The following TNFRSF19 variants were observed in gnomAD, a reference collection of about 807,000 sequenced individuals.
The protein encoded by TNFRSF19 is TNF receptor superfamily member 19, also known as tumor necrosis factor receptor superfamily member 19.
A neutral mutation model predicts 46.4 loss-of-function variants in TNFRSF19; 27 were observed. The ratio of observed to expected loss-of-function variants is 0.58; its 90% CI spans 0.43 to 0.80. The LOEUF (loss-of-function observed/expected upper bound fraction) is 0.80, where lower values mean the gene tolerates loss of function less well. Ranked by LOEUF, TNFRSF19 falls within the 30% of genes least tolerant of loss-of-function variation. The pLI is 0.00. For synonymous variants in TNFRSF19, 204 were observed against 205.0 expected, an observed-to-expected ratio of 1.00 and a Z score of 0.04; for missense variants, 511 against 530.8, an observed-to-expected ratio of 0.96 and a Z score of 0.37.
chr13:23,603,890 A>G (rs1165935605), intron 3 of TNFRSF19, among the ~76,000 whole-genome samples: 3 of 152,094 alleles, frequency 2.0e-5, no homozygotes, highest in African/African-American at 7.2e-5. Context: ...TAGAGTTGAT[A>G]TCATACTTAA....
chr13:23,638,820 G>A (rs1023945972), intron 5 of TNFRSF19, among the ~76,000 whole-genome samples: 1 of 152,102 alleles, frequency 6.6e-6, no homozygotes, highest in Non-Finnish European at 1.5e-5. Flanking sequence ...CACGCTGCGG[G>A]TTCCTGTCCC....
intron 5 of TNFRSF19, among the ~76,000 whole-genome samples, chr13:23,650,546 C>G (rs1883570008): frequency 1.3e-5 from 2 of 152,094 alleles, no homozygotes; most frequent in Non-Finnish European, 2.9e-5. Flanking sequence ...ATAGGCAAAT[C>G]CATAGAGACA....
intron 2 of TNFRSF19, 46 bp from the exon 3 acceptor site, chr13:23,593,299 G>A (rs747982417): frequency 3.3e-6 from 4 of 1,215,072 alleles, no homozygotes; most frequent in Admixed American, 5.1e-5. Context: ...AAAAAAAAAT[G>A]TTTAACATAC....
At chr13:23,669,383 G>A in intron 9 of TNFRSF19, 1 of 1,181,488 alleles carries the variant, frequency 8.5e-7, no homozygotes, top group Non-Finnish European at 1.0e-6. Flanking sequence ...GTTGAGAGAG[G>A]TGAGTCGGGT....
At position 23,573,684 on chromosome 13, in the gene TNFRSF19, T is replaced by C. The variant is rs560448172; in HGVS notation, c.-35+2836T>C. Among the ~76,000 whole-genome samples, 8 of 152,342 alleles carry C rather than the reference T, an allele frequency of 5.3e-5. No individual in the cohort carries two copies. In the East Asian group the frequency reaches 1.5e-3, roughly 29 times the overall value. On this transcript the variant is annotated intron_variant, in intron 1 of 9. Transcript: ENST00000248484. ...AACTCAATGTGCATTTCAAACATGA[T>C]ATGATATGTGTTTCATATCATGTTT...
intron 1 of TNFRSF19, among the ~76,000 whole-genome samples, chr13:23,575,127 C>T (rs1360894671): frequency 6.6e-6 from 1 of 152,218 alleles, no homozygotes; most frequent in Non-Finnish European, 1.5e-5. Context: ...GGCCTCAAGC[C>T]AGCCCTAGGT....
intron 3 of TNFRSF19, 115 bp from the exon 4 acceptor site, chr13:23,615,752 T>C (rs1881233377): frequency 9.1e-7 from 1 of 1,102,604 alleles, no homozygotes; most frequent in African/African-American, 1.6e-5. Flanking sequence ...CCTTTGTGTC[T>C]AGGAAGGCCG....
At chr13:23,656,953 A>G (rs1026138780) in intron 5 of TNFRSF19, among the ~76,000 whole-genome samples, 12 of 152,132 alleles carry the variant, frequency 7.9e-5, no homozygotes, top group Admixed American at 2.6e-4. Flanking sequence ...TTTAATCTCT[A>G]TCAGGTCAGG....
chr13:23,594,207 GTT>G, intron 3 of TNFRSF19: 1 of 443,804 alleles, frequency 2.3e-6, no homozygotes, highest in Non-Finnish European at 4.5e-6. Context: ...AGCTGCAGGA[GTT>G]TTTTTTTCAT....
intron 1 of TNFRSF19, among the ~76,000 whole-genome samples, chr13:23,573,734 G>C (rs1412112785): frequency 6.6e-6 from 1 of 151,754 alleles, no homozygotes; most frequent in Non-Finnish European, 1.5e-5. Flanking sequence ...TCTTGAGCAT[G>C]TTTTCATTAT....
rs571909621 is a variant in TNFRSF19, at chr13:23,675,154, T to A, written c.*1774T>A. ...CATTGCCTTTTGGACATGTAAAATA[T>A]TTAGGATTTGACCACACAATGGCTA... On this transcript the variant is annotated 3_prime_UTR_variant, in exon 10 of 10. Transcript: ENST00000248484. The A allele has an allele frequency of 3.9e-4, 59 of 152,340 alleles. No individual in the cohort carries two copies. Among genetic ancestry groups the A allele is most frequent in the African/African-American group, 1.4e-3 (58 of 41,574 alleles). 9.4% of individuals were successfully genotyped at this position (152,340 alleles called of 1,614,324 possible).
intron 5 of TNFRSF19, among the ~76,000 whole-genome samples, chr13:23,649,031 G>T (rs1282425655): frequency 6.6e-6 from 1 of 152,124 alleles, no homozygotes; most frequent in Non-Finnish European, 1.5e-5. Context: ...TTGATCTGTA[G>T]TTTTTTTCCC....
At position 23,675,611 on chromosome 13, in the gene TNFRSF19, A is replaced by G. The variant is rs777278581; in HGVS notation, c.*2231A>G. On this transcript the variant is annotated 3_prime_UTR_variant, in exon 10 of 10. Transcript: ENST00000248484. Reference sequence around the variant, plus strand: ...GTTATATTTTACACTCCTTGGAAACATTTGAGGAAAAAAATGCAATTTGCA... The same window carrying G: ...GTTATATTTTACACTCCTTGGAAACGTTTGAGGAAAAAAATGCAATTTGCA... The G allele has an allele frequency of 2.6e-5, 4 of 152,202 alleles. No homozygotes were observed. Among genetic ancestry groups the G allele is most frequent in the Non-Finnish European group, 5.9e-5 (4 of 68,042 alleles). 9.4% of individuals were successfully genotyped at this position (152,202 alleles called of 1,614,324 possible). A position where few individuals can be genotyped will look rare whatever the true frequency, so the allele number is the denominator to read the frequency against.
chr13:23,669,331 A>G lies in TNFRSF19; in HGVS notation c.1245+234A>G, dbSNP rs1951714471. The G allele has an allele frequency of 1.9e-5, 25 of 1,349,750 alleles. No homozygotes were observed. In the South Asian group the frequency reaches 4.6e-4, roughly 25 times the overall value. The allele number at this position is 1,349,750 out of a possible 1,614,324, so 83.6% of individuals were successfully genotyped here. Reference sequence around the variant, plus strand: ...GCTGCATTCTTTTATTCCTCTTTGTAAGTACAACCACTTAGCACAGCACCT... The same window carrying G: ...GCTGCATTCTTTTATTCCTCTTTGTGAGTACAACCACTTAGCACAGCACCT... On this transcript the variant is annotated intron_variant, in intron 9 of 9. Coordinates refer to ENST00000248484, the MANE Select transcript of TNFRSF19 (RefSeq NM_148957.4).
intron 5 of TNFRSF19, among the ~76,000 whole-genome samples, chr13:23,639,403 T>G (rs1882897432): frequency 6.6e-6 from 1 of 152,002 alleles, no homozygotes; most frequent in Non-Finnish European, 1.5e-5. Flanking sequence ...AAAAGATAAT[T>G]TAAAAAAAAT....
intron 4 of TNFRSF19, among the ~76,000 whole-genome samples, chr13:23,617,586 G>A (rs1332105806): frequency 4.6e-5 from 7 of 152,188 alleles, no homozygotes; most frequent in Admixed American, 2.6e-4. Flanking sequence ...AAGAGTTACT[G>A]ACCAAAGACA....
chr13:23,575,142 G>C (rs1054148997), intron 1 of TNFRSF19, among the ~76,000 whole-genome samples: 1 of 152,208 alleles, frequency 6.6e-6, no homozygotes, highest in Non-Finnish European at 1.5e-5. Context: ...CTAGGTCGGG[G>C]AGTCCACCAT....
chr13:23,595,540 C>T (rs1447958701), intron 3 of TNFRSF19, among the ~76,000 whole-genome samples: 3 of 151,962 alleles, frequency 2.0e-5, no homozygotes, highest in Admixed American at 6.6e-5. Context: ...TGAAATAAAG[C>T]GTGAAGACAA....
intron 4 of TNFRSF19, among the ~76,000 whole-genome samples, chr13:23,618,437 C>T (rs960110577): frequency 3.9e-5 from 6 of 152,106 alleles, no homozygotes; most frequent in African/African-American, 1.4e-4. Context: ...GCAAATCAAA[C>T]CCACATTCTT....
Sources: allele counts gnomAD v4.1 joint callset (sites outside exome capture counted in the v4.1 genomes callset), GRCh38; gene constraint gnomAD v4.1.1; transcripts MANE v1.5; gene names NCBI Gene and HGNC (gene_info 2026-07-23, HGNC 2026-07-21).